The following HERC2 variants were observed in gnomAD, a reference collection of about 807,000 sequenced individuals.
HERC2 encodes E3 ubiquitin-protein ligase HERC2.
Under a neutral mutation model 537.7 loss-of-function variants are expected in HERC2, and 102 were observed. That is an observed-to-expected ratio of 0.19 (90% CI 0.16 to 0.22). The LOEUF (loss-of-function observed/expected upper bound fraction) is 0.22, where lower values mean the gene tolerates loss of function less well. HERC2 is among the 10% of genes least tolerant of loss of function. The pLI is 1.00. For missense variants in HERC2, 4,236 were observed against 6,198.2 expected, an observed-to-expected ratio of 0.68 and a Z score of 10.63; for synonymous variants, 2,224 against 2,466.2, an observed-to-expected ratio of 0.90 and a Z score of 2.91.
At chr15:28,184,754 C>T (rs1239493541) in intron 56 of HERC2, among the ~76,000 whole-genome samples, 1 of 151,160 alleles carries the variant, frequency 6.6e-6, no homozygotes, top group Non-Finnish European at 1.5e-5. Flanking sequence ...CCCAGCTACT[C>T]AGGAGGCTGA....
intron 3 of HERC2, among the ~76,000 whole-genome samples, chr15:28,296,806 T>G (rs1431208229): frequency 6.6e-6 from 1 of 151,560 alleles, no homozygotes; most frequent in African/African-American, 2.4e-5. Flanking sequence ...CAGAGAGAAT[T>G]CTATATATAC....
intron 30 of HERC2, among the ~76,000 whole-genome samples, chr15:28,232,307 C>A (rs1463980369): frequency 1.3e-5 from 2 of 152,064 alleles, no homozygotes; most frequent in African/African-American, 4.8e-5. Context: ...CTTTGGGAGG[C>A]CGAGGCAGGC....
At chr15:28,216,790 CACAA>C (rs757955857) in intron 38 of HERC2, among the ~76,000 whole-genome samples, 215 of 148,356 alleles carry the variant, frequency 1.4e-3, no homozygotes, top group African/African-American at 4.0e-3. Context: ...CACACGTATG[CACAA>C]ACAGATGCAA....
At chr15:28,180,491 A>G (rs1402446758) in intron 57 of HERC2, among the ~76,000 whole-genome samples, 1 of 152,268 alleles carries the variant, frequency 6.6e-6, no homozygotes. Context: ...TTTAAGAATG[A>G]AATGATACAC....
intron 38 of HERC2, among the ~76,000 whole-genome samples, chr15:28,216,644 A>T (rs1899935833): frequency 6.7e-6 from 1 of 149,650 alleles, no homozygotes; most frequent in African/African-American, 2.5e-5. Flanking sequence ...TCACTCTCAC[A>T]CCCTCATATG....
At chr15:28,248,771 A>G (rs1227934303) in intron 20 of HERC2, 35 bp from the exon 21 acceptor site, 4 of 1,539,834 alleles carry the variant, frequency 2.6e-6, no homozygotes, top group Non-Finnish European at 3.6e-6. Context: ...AAAATTAAAC[A>G]AGATATTTCT....
rs1386642926 is a variant in HERC2 at position 28,114,726 on chromosome 15, C to T, written c.13799G>A (p.Ser4600Asn). 1.9e-6 allele frequency: 3 copies of T among 1,614,116 alleles called. No homozygotes were observed. Among genetic ancestry groups the T allele is most frequent in the Non-Finnish European group, 2.5e-6 (3 of 1,180,024 alleles). Residue 4600 changes from serine (S) to asparagine (N), a missense_variant, in exon 90 of 93, where the codon AGC becomes AAC. Ser to Asn is a conservative substitution (Grantham distance 46). Transcript: ENST00000261609. ...GGCACTTGGCACTGTGAAGGGCAGG[C>T]TCATGGCTTCAAACTCCTCTGAGGT... The part of the protein sequence containing the change: ...EATSEEFEAM[S>N]LPFTVPSASG...
chr15:28,192,378 G>A (rs1271945167), intron 52 of HERC2, among the ~76,000 whole-genome samples: 1 of 151,980 alleles, frequency 6.6e-6, no homozygotes, highest in East Asian at 1.9e-4. Context: ...AACCTCCCAG[G>A]GAACAACAGC....
Position 28,202,455 on chromosome 15 carries a change from C to G in HERC2, c.7372G>C (p.Ala2458Pro). Residue 2458 changes from alanine (A) to proline (P), a missense_variant, in exon 46 of 93, where the codon GCT (alanine) becomes CCT (proline). Ala to Pro is a conservative substitution (Grantham distance 27, BLOSUM62 -1). Coordinates refer to ENST00000261609, the MANE Select transcript of HERC2 (RefSeq NM_004667.6). Reference sequence around the variant, plus strand: ...ATGAGCTGCACCACGATCGGCAGAGCGGGAACGGGCGACTGCTTGCGCCTC... The same window carrying G: ...ATGAGCTGCACCACGATCGGCAGAGGGGGAACGGGCGACTGCTTGCGCCTC... ...VKRRKQSPVP[A>P]LPIVVQLMEM... The G allele has an allele frequency of 6.6e-7, 1 of 1,524,836 alleles. No homozygotes were observed. Among genetic ancestry groups the G allele is most frequent in the Non-Finnish European group, 9.0e-7 (1 of 1,105,590 alleles). 94.5% of individuals were successfully genotyped at this position (1,524,836 alleles called of 1,614,324 possible). A position where few individuals can be genotyped will look rare whatever the true frequency, so the allele number is the denominator to read the frequency against.
intron 50 of HERC2, among the ~76,000 whole-genome samples, 199 bp downstream of exon 50, chr15:28,198,179 A>T (rs1301372522): frequency 4.6e-5 from 7 of 152,230 alleles, no homozygotes; most frequent in Non-Finnish European, 8.8e-5. Context: ...GCAATGAGTT[A>T]ATATTAATAA....
chr15:28,267,101 T>C (rs1010916040), intron 12 of HERC2, among the ~76,000 whole-genome samples: 18 of 152,178 alleles, frequency 1.2e-4, no homozygotes, highest in Non-Finnish European at 2.5e-4. Context: ...CCAGAATATG[T>C]TCCTATGATG....
At chr15:28,168,368 T>C in intron 67 of HERC2, 39 bp downstream of exon 67, 1 of 1,589,812 alleles carries the variant, frequency 6.3e-7, no homozygotes, top group Non-Finnish European at 8.6e-7. Context: ...TAGCCACCTT[T>C]TCCTTTCTGA....
intron 56 of HERC2, 49 bp downstream of exon 56, chr15:28,186,521 GAGGATCC>G: frequency 7.1e-7 from 1 of 1,417,960 alleles, no homozygotes; most frequent in Non-Finnish European, 9.8e-7. Context: ...TTTCGAAAGT[GAGGATCC>G]AGGAATGTAG....
At chr15:28,301,706 C>A in intron 2 of HERC2, among the ~76,000 whole-genome samples, 1 of 86,412 alleles carries the variant, frequency 1.2e-5, no homozygotes, top group Non-Finnish European at 2.2e-5. Context: ...TTTTAAACTT[C>A]TGTGGATACA....
chr15:28,273,317 CT>C (rs2075790303), intron 7 of HERC2: 2 of 432,778 alleles, frequency 4.6e-6, no homozygotes, highest in South Asian at 4.6e-5. Context: ...ATCTAGCTAT[CT>C]TTTCCAGTTT....
rs369539007 is a variant in HERC2 at position 28,158,122 on chromosome 15, A to C, written c.10746+4972T>G. Among the ~76,000 whole-genome samples the C allele has an allele frequency of 8.5e-5, 13 of 152,146 alleles. No individual in the cohort carries two copies. In the South Asian group the frequency reaches 1.9e-3, roughly 22 times the overall value. On this transcript the variant is annotated intron_variant, in intron 69 of 92. Coordinates refer to ENST00000261609, the MANE Select transcript of HERC2 (RefSeq NM_004667.6). ...GAGACAGTTTGTTATAATTTCTGTT[A>C]TTTTACATTTGCTGAGGAGTGCTTT... is the stretch of plus-strand genomic sequence containing the variant.
chr15:28,123,940 G>T (rs942427680), intron 85 of HERC2, 97 bp downstream of exon 85: 22 of 995,512 alleles, frequency 2.2e-5, no homozygotes, highest in Non-Finnish European at 4.3e-6. Flanking sequence ...TGAATGAGCT[G>T]TATTCTATGT....
intron 2 of HERC2, among the ~76,000 whole-genome samples, chr15:28,304,235 G>A (rs1285044546): frequency 6.7e-6 from 1 of 148,966 alleles, no homozygotes; most frequent in Admixed American, 6.7e-5. Context: ...TTAGTATCCT[G>A]CAATTTTACT....
intron 11 of HERC2, 75 bp downstream of exon 11, chr15:28,269,173 C>G: frequency 8.4e-7 from 1 of 1,190,612 alleles, no homozygotes; most frequent in African/African-American, 1.5e-5. Context: ...TAAAGAAACA[C>G]CAGAGCTTGT....
Sources: allele counts gnomAD v4.1 joint callset (sites outside exome capture counted in the v4.1 genomes callset), GRCh38; gene constraint gnomAD v4.1.1; transcripts MANE v1.5; gene names NCBI Gene and HGNC (gene_info 2026-07-23, HGNC 2026-07-21).